The following CLVS1 variants were observed in gnomAD, a reference collection of about 807,000 sequenced individuals.
CLVS1 encodes clavesin 1.
A neutral mutation model predicts 33.1 loss-of-function variants in CLVS1; 10 were observed. The observed-to-expected ratio is 0.30, with a 90% confidence interval of 0.19 to 0.51. CLVS1 has a LOEUF of 0.51. CLVS1 is among the 20% of genes least tolerant of loss of function. The probability of loss-of-function intolerance (pLI) is 0.97; values close to 1 mark genes in which losing one functional copy is unlikely to be tolerated. For missense variants in CLVS1, 343 were observed against 433.4 expected, an observed-to-expected ratio of 0.79 and a Z score of 1.85; for synonymous variants, 163 against 166.1, an observed-to-expected ratio of 0.98 and a Z score of 0.14.
chr8:61,131,747 T>A (rs1371256874), intron 1 of CLVS1: 1 of 147,992 alleles, frequency 6.8e-6, no homozygotes, highest in African/African-American at 2.6e-5. Context: ...AATCCAGACT[T>A]TTTTTTTTCT....
intron 2 of CLVS1, among the ~76,000 whole-genome samples, chr8:61,368,243 G>GA (rs1257877427): frequency 6.6e-6 from 1 of 152,126 alleles, no homozygotes; most frequent in Non-Finnish European, 1.5e-5. Context: ...AAACACAAAT[G>GA]AAAAAATATC....
At chr8:61,314,178 T>C (rs1810935262) in intron 2 of CLVS1, among the ~76,000 whole-genome samples, 1 of 152,208 alleles carries the variant, frequency 6.6e-6, no homozygotes, top group Non-Finnish European at 1.5e-5. Flanking sequence ...ATGGCTTTTT[T>C]GTACTCAGTG....
chr8:61,334,651 G>A (rs1165145078), intron 2 of CLVS1, among the ~76,000 whole-genome samples: 1 of 152,130 alleles, frequency 6.6e-6, no homozygotes, highest in Non-Finnish European at 1.5e-5. Context: ...TAAGTGGTGG[G>A]ACAAATAAAT....
chr8:61,428,019 T>G (rs566184635), intron 3 of CLVS1, among the ~76,000 whole-genome samples: 1 of 152,316 alleles, frequency 6.6e-6, no homozygotes, highest in South Asian at 2.1e-4. Context: ...AGGAAATAAT[T>G]AAATTAAAAC....
chr8:61,234,661 C>T (rs191398475), intron 2 of CLVS1, among the ~76,000 whole-genome samples: 28 of 152,286 alleles, frequency 1.8e-4, no homozygotes, highest in African/African-American at 6.3e-4. Flanking sequence ...GTGTGCATAA[C>T]TTGCCCAAGA....
At chr8:61,375,482 A>T (rs763998483) in intron 2 of CLVS1, among the ~76,000 whole-genome samples, 3 of 152,080 alleles carry the variant, frequency 2.0e-5, no homozygotes, top group Non-Finnish European at 4.4e-5. Flanking sequence ...ATCTCCTGAC[A>T]TCAGGTGATC....
intron 5 of CLVS1, among the ~76,000 whole-genome samples, chr8:61,494,337 A>G (rs1804197330): frequency 6.6e-6 from 1 of 152,200 alleles, no homozygotes; most frequent in East Asian, 1.9e-4. Context: ...AGGAAAACAA[A>G]AAGTGGCTAT....
chr8:61,052,078 T>G, the CLVS1 span, among the ~76,000 whole-genome samples: 2 of 152,096 alleles, frequency 1.3e-5, no homozygotes, highest in Non-Finnish European at 2.9e-5. Flanking sequence ...GAGGCTGGGA[T>G]GGGCAAGGGG....
chr8:61,326,611 A>G (rs1376731487), intron 2 of CLVS1, among the ~76,000 whole-genome samples: 3 of 152,210 alleles, frequency 2.0e-5, no homozygotes, highest in Non-Finnish European at 2.9e-5. Context: ...GAGGTGCAGC[A>G]TAATCGCAGT....
intron 1 of CLVS1, among the ~76,000 whole-genome samples, chr8:61,073,187 C>T (rs1804831567): frequency 6.6e-6 from 1 of 152,174 alleles, no homozygotes; most frequent in Non-Finnish European, 1.5e-5. Flanking sequence ...ATATCTTCTG[C>T]TTCTAAATCT....
intron 2 of CLVS1, among the ~76,000 whole-genome samples, chr8:61,340,163 G>A (rs1476733265): frequency 6.6e-6 from 1 of 151,984 alleles, no homozygotes; most frequent in Non-Finnish European, 1.5e-5. Flanking sequence ...AGAGGAGAAA[G>A]TTAACATAAA....
At chr8:61,350,505 G>C (rs1473968393) in intron 2 of CLVS1, among the ~76,000 whole-genome samples, 1 of 152,116 alleles carries the variant, frequency 6.6e-6, no homozygotes, top group Non-Finnish European at 1.5e-5. Flanking sequence ...TAAACCATTA[G>C]GAGATTTTTG....
intron 2 of CLVS1, among the ~76,000 whole-genome samples, chr8:61,143,820 T>C (rs1183979519): frequency 2.0e-5 from 3 of 147,686 alleles, no homozygotes; most frequent in African/African-American, 7.4e-5. Context: ...TAAATTCACA[T>C]ATATAATATG....
chr8:61,063,310 A>AGAGAGAGAGAGC (rs1585581099), intron 1 of CLVS1, among the ~76,000 whole-genome samples: 3 of 145,346 alleles, frequency 2.1e-5, no homozygotes, highest in Admixed American at 6.8e-5. Flanking sequence ...AGAGAGAGAG[A>AGAGAGAGAGAGC]ACAGTCATTT....
At chr8:61,485,587 A>G (rs1803847498) in intron 5 of CLVS1, among the ~76,000 whole-genome samples, 1 of 152,364 alleles carries the variant, frequency 6.6e-6, no homozygotes, top group South Asian at 2.1e-4. Flanking sequence ...CAGCCATCCC[A>G]TTACTGGGAA....
intron 5 of CLVS1, among the ~76,000 whole-genome samples, chr8:61,471,576 C>T (rs1458027012): frequency 6.6e-6 from 1 of 152,104 alleles, no homozygotes; most frequent in African/African-American, 2.4e-5. Flanking sequence ...ACCCTTGGAG[C>T]CCTGCACCCA....
rs553794778 is a variant in CLVS1 at position 61,263,785 on chromosome 8, C to T, written c.-151-35892C>T. 3.9e-4 allele frequency among the ~76,000 whole-genome samples: 60 copies of T among 152,296 alleles called. 1 individual carries two copies. In the South Asian group the frequency reaches 0.012, roughly 31 times the overall value. On this transcript the variant is annotated intron_variant, in intron 2 of 2. Coordinates refer to the CLVS1 transcript ENST00000522621. ...CTATTTAGTCTCTCTAAGCATTAGA[C>T]CTTCCTCATTAAGGGTTATCATTGC...
chr8:61,011,394 G>A, the CLVS1 span, among the ~76,000 whole-genome samples: 1,059 of 152,264 alleles, frequency 7.0e-3, 15 homozygotes, highest in African/African-American at 0.024. Context: ...TTTTGCCTGT[G>A]CTTTGACCCA....
the CLVS1 span, among the ~76,000 whole-genome samples, chr8:61,032,616 C>A: frequency 3.3e-5 from 5 of 152,090 alleles, no homozygotes; most frequent in Non-Finnish European, 7.3e-5. Context: ...AAAAACAGGA[C>A]CTTGAATGAA....
Sources: gnomAD v4.1 joint callset for allele counts (sites outside exome capture counted in the v4.1 genomes callset) on GRCh38, gnomAD v4.1.1 for gene constraint, MANE v1.5 for transcripts, NCBI Gene and HGNC (gene_info 2026-07-23, HGNC 2026-07-21) for gene names.